TAF3: variants seen among roughly 807,000 people sequenced by gnomAD.
TAF3 encodes transcription initiation factor TFIID subunit 3.
A neutral mutation model predicts 80.6 loss-of-function variants in TAF3; 7 were observed. That is an observed-to-expected ratio of 0.09 (90% CI 0.05 to 0.16). TAF3 has a LOEUF of 0.16. TAF3 is among the 10% of genes least tolerant of loss of function. TAF3 has a pLI of 1.00. For missense variants in TAF3, 921 were observed against 1,140.2 expected, an observed-to-expected ratio of 0.81 and a Z score of 2.77; for synonymous variants, 444 against 446.1, an observed-to-expected ratio of 1.00 and a Z score of 0.06.
intron 5 of TAF3, among the ~76,000 whole-genome samples, chr10:8,013,401 ATAGT>A (rs1397180274): frequency 5.9e-5 from 9 of 152,098 alleles, no homozygotes; most frequent in East Asian, 5.8e-4. Flanking sequence ...AAGAATTTAC[ATAGT>A]TATAGTTTTT....
intron 2 of TAF3, among the ~76,000 whole-genome samples, chr10:7,887,726 C>CG (rs1448685222): frequency 4.0e-5 from 6 of 151,744 alleles, no homozygotes; most frequent in African/African-American, 7.3e-5. Context: ...AAGCTAAAAT[C>CG]GGGGGGGATA....
chr10:7,979,082 C>T (rs1831699401), intron 4 of TAF3, among the ~76,000 whole-genome samples: 1 of 151,828 alleles, frequency 6.6e-6, no homozygotes. Flanking sequence ...CGGTGGCTCA[C>T]GCCTGTAATC....
rs752168913 is a variant in TAF3 at position 8,009,229 on chromosome 10, G to A, written c.2467G>A (p.Ala823Thr). 24 of 1,473,288 alleles carry A rather than the reference G, an allele frequency of 1.6e-5. No individual in the cohort carries two copies. In the Admixed American group the frequency reaches 4.1e-4, roughly 25 times the overall value. The allele number at this position is 1,473,288 out of a possible 1,614,324, so 91.3% of individuals were successfully genotyped here. ...GCTGCCGCTGCTCGCCCAGGCCGCC[G>A]CGGGCCCTGCCCTGCTGCCCTCCCC... ...VPLPLLAQAA[A>T]GPALLPSPGP... is the part of the protein sequence containing the mutation. Residue 823 changes from alanine to threonine, a missense_variant, in exon 5 of 7, where the codon GCG (alanine) becomes ACG (threonine). Around this residue, in one of 6 missense-constraint regions of TAF3, gnomAD observed 743 missense variants for 821.0 expected, o/e 0.90. Transcript: ENST00000344293. This position sits in a 1 kb window ranked among gnomAD's most constrained non-coding sequence, Gnocchi z 4.1.
At chr10:7,917,503 C>T (rs766735759) in intron 2 of TAF3, among the ~76,000 whole-genome samples, 21 of 152,174 alleles carry the variant, frequency 1.4e-4, no homozygotes, top group Non-Finnish European at 3.1e-4. Flanking sequence ...GGGGCCAGTT[C>T]CTATGGGGCC....
intron 2 of TAF3, among the ~76,000 whole-genome samples, chr10:7,859,855 G>A (rs149629966): frequency 4.3e-4 from 65 of 152,308 alleles, no homozygotes; most frequent in African/African-American, 1.4e-3. Context: ...ACAAATGGCC[G>A]TTTCCCAGAT....
intron 2 of TAF3, among the ~76,000 whole-genome samples, chr10:7,827,190 A>G (rs7901324): frequency 1.8e-3 from 275 of 152,338 alleles, no homozygotes; most frequent in African/African-American, 6.2e-3. Context: ...ACCTCACGGC[A>G]TCACTGAGAC....
intron 4 of TAF3, among the ~76,000 whole-genome samples, chr10:8,005,009 TC>T: frequency 6.6e-6 from 1 of 152,220 alleles, no homozygotes; most frequent in East Asian, 1.9e-4. Context: ...TTGTTTCCAA[TC>T]TGTTGTTAAA....
chr10:7,819,448 A>G (rs1446799231), intron 1 of TAF3, among the ~76,000 whole-genome samples: 2 of 152,084 alleles, frequency 1.3e-5, no homozygotes, highest in African/African-American at 2.4e-5. Context: ...TGACTTTGTC[A>G]GTTTCGCTGA....
At chr10:7,840,410 C>T (rs996698345) in intron 2 of TAF3, among the ~76,000 whole-genome samples, 4 of 151,748 alleles carry the variant, frequency 2.6e-5, no homozygotes, top group East Asian at 1.9e-4. Flanking sequence ...CCTCGGCCTC[C>T]CAAAGTGCTG....
At chr10:7,953,582 C>G (rs903565977) in intron 2 of TAF3, among the ~76,000 whole-genome samples, 1 of 152,202 alleles carries the variant, frequency 6.6e-6, no homozygotes, top group African/African-American at 2.4e-5. Flanking sequence ...GGTTCCCTGC[C>G]CAGCCAACAT....
At chr10:7,819,082 C>G (rs915906562) in intron 1 of TAF3, among the ~76,000 whole-genome samples, 7 of 152,246 alleles carry the variant, frequency 4.6e-5, no homozygotes, top group Admixed American at 2.0e-4. Context: ...CCGCTAACTT[C>G]CCGCCACCAG....
At chr10:7,848,195 T>C (rs1472623783) in intron 2 of TAF3, among the ~76,000 whole-genome samples, 1 of 152,250 alleles carries the variant, frequency 6.6e-6, no homozygotes, top group Non-Finnish European at 1.5e-5. Flanking sequence ...CTATTCTTCC[T>C]GATATACTGA....
intron 2 of TAF3, among the ~76,000 whole-genome samples, chr10:7,866,857 T>C (rs1357662215): frequency 6.6e-6 from 1 of 152,216 alleles, no homozygotes; most frequent in East Asian, 1.9e-4. Flanking sequence ...TTTGTTTTTA[T>C]GGTGCGCTCT....
rs1831566226 is a variant in TAF3 at position 7,965,835 on chromosome 10, G to A, written c.2232+93G>A. ...CCACAATTATATCTGTATTCTGGGT[G>A]TAAATCACCCATCACTTAAGTGGAA... is the stretch of plus-strand genomic sequence containing the variant. On this transcript the variant is annotated intron_variant, in intron 3 of 6. Coordinates refer to ENST00000344293, the MANE Select transcript of TAF3 (RefSeq NM_031923.4). The A allele has an allele frequency of 3.6e-6, 5 of 1,380,736 alleles. No homozygotes were observed. In the South Asian group the frequency reaches 9.3e-5, roughly 26 times the overall value. The allele number at this position is 1,380,736 out of a possible 1,614,324, so 85.5% of individuals were successfully genotyped here.
chr10:7,824,564 TGTGA>T lies in TAF3; in HGVS notation c.409+8_409+11del, dbSNP rs771642188. ...CCCATTGTGTCTTCTCAAGAAGGTTTGTGAGTGTTTCTTCTTCATATGTTAGTGA... is the reference window on the plus strand; with the variant it reads ...CCCATTGTGTCTTCTCAAGAAGGTTTGTGTTTCTTCTTCATATGTTAGTGA... On this transcript the variant is annotated splice_donor_5th_base_variant and intron_variant, in intron 2 of 6. Coordinates refer to ENST00000344293, the MANE Select transcript of TAF3 (RefSeq NM_031923.4). 5 of 1,613,108 alleles carry T rather than the reference TGTGA, an allele frequency of 3.1e-6. No homozygotes were observed. In the African/African-American group the frequency reaches 6.7e-5, roughly 22 times the overall value.
At chr10:7,908,510 A>T (rs1272495744) in intron 2 of TAF3, among the ~76,000 whole-genome samples, 2 of 152,178 alleles carry the variant, frequency 1.3e-5, no homozygotes, top group Non-Finnish European at 2.9e-5. Flanking sequence ...CTAACACCTT[A>T]TAAATGTCAT....
intron 4 of TAF3, among the ~76,000 whole-genome samples, chr10:8,001,072 T>A (rs1831939535): frequency 6.6e-6 from 1 of 152,144 alleles, no homozygotes; most frequent in South Asian, 2.1e-4. Flanking sequence ...GTTATTCTAG[T>A]TTTTATTTTT....
chr10:7,901,971 G>T (rs949718830), intron 2 of TAF3, among the ~76,000 whole-genome samples: 1 of 152,188 alleles, frequency 6.6e-6, no homozygotes, highest in African/African-American at 2.4e-5. Context: ...ATTTGTGTGT[G>T]CACGTGGACG....
At chr10:7,929,709 A>G (rs1267706113) in intron 2 of TAF3, among the ~76,000 whole-genome samples, 2 of 152,208 alleles carry the variant, frequency 1.3e-5, no homozygotes, top group African/African-American at 2.4e-5. Context: ...ATAAAATATA[A>G]TAAGGTTACA....
Sources: gnomAD v4.1 joint callset for allele counts (sites outside exome capture counted in the v4.1 genomes callset) on GRCh38, gnomAD v4.1.1 for gene constraint, gnomAD v4.1.1 regional missense constraint, Gnocchi (gnomAD v3.1) non-coding constraint, MANE v1.5 for transcripts, NCBI Gene and HGNC (gene_info 2026-07-23, HGNC 2026-07-21) for gene names.